The following MYBBP1A variants were observed in gnomAD, a reference collection of about 807,000 sequenced individuals.
MYBBP1A encodes the protein MYB binding protein 1a.
MYBBP1A carries 147 observed loss-of-function variants against 136.3 expected under a neutral mutation model. The ratio of observed to expected loss-of-function variants is 1.08; its 90% CI spans 0.94 to 1.24. The LOEUF (loss-of-function observed/expected upper bound fraction) is 1.24. Ranked by LOEUF, MYBBP1A falls within the 50% of genes most tolerant of loss-of-function variation. The probability of loss-of-function intolerance (pLI) is 0.00; values close to 1 mark genes in which losing one functional copy is unlikely to be tolerated. For synonymous variants in MYBBP1A, 947 were observed against 735.8 expected (o/e 1.29, Z -4.65); for missense variants, 2,060 against 1,727.4 (o/e 1.19, Z -3.41).
chr17:4,541,022 C>G (rs1489672488), intron 24 of MYBBP1A, among the ~76,000 whole-genome samples: 2 of 151,632 alleles, frequency 1.3e-5, no homozygotes, highest in Admixed American at 1.3e-4. Context: ...ATTCCCAAAC[C>G]CCGCCCTCTG....
chr17:4,549,972 T>C lies in MYBBP1A; in HGVS notation c.1319+86A>G, dbSNP rs539680947. ...CTCTCATGGTTTAGAGCCAGGACGC[T>C]GTGGAGGGCGGGCTTGGGTCGCGGG... On this transcript the variant is annotated intron_variant, in intron 9 of 25. Transcript: ENST00000254718. 19 of 1,432,094 alleles carry C rather than the reference T, an allele frequency of 1.3e-5. No homozygotes were observed. In the East Asian group the frequency reaches 4.1e-4, roughly 31 times the overall value. The allele number at this position is 1,432,094 out of a possible 1,614,324, so 88.7% of individuals were successfully genotyped here.
intron 22 of MYBBP1A, chr17:4,542,189 C>T (rs1276410569): frequency 3.4e-6 from 2 of 586,114 alleles, no homozygotes; most frequent in Non-Finnish European, 6.0e-6. Flanking sequence ...CAGACACTAC[C>T]AGGGGCATCC....
intron 8 of MYBBP1A, among the ~76,000 whole-genome samples, chr17:4,551,335 C>T (rs751630923): frequency 1.3e-5 from 2 of 152,220 alleles, no homozygotes; most frequent in Non-Finnish European, 2.9e-5. Context: ...TGGGCGGGGG[C>T]GGAGAGAGGT....
rs373302742 is a variant in MYBBP1A at position 4,544,545 on chromosome 17, G to A, written c.2583C>T (p.Arg861=). ...CCTGCTCCTGTTTGGAGCTGCTGCT[G>A]CGCAGGCTGCGCCGGATGATGCTCA... ...PLLSIIRRSL[R]SSSSKQEQDL... is the part of the protein sequence containing the mutation. The change falls in exon 19 of 26, where the codon CGC becomes CGT. Residue 861 remains arginine (R), a synonymous_variant. Coordinates refer to ENST00000254718, the MANE Select transcript of MYBBP1A (RefSeq NM_014520.4). The A allele has an allele frequency of 2.6e-6, 4 of 1,558,736 alleles. No homozygotes were observed. Among genetic ancestry groups the A allele is most frequent in the South Asian group, 2.4e-5 (2 of 84,630 alleles).
At position 4,542,692 on chromosome 17, in the gene MYBBP1A, G is replaced by A. The variant is rs1192048577; in HGVS notation, c.2942C>T (p.Ala981Val). ...LNLVTRVYST[A>V]LSSFLTKRNS... is the part of the protein sequence containing the mutation. ...GCGCTTGGTCAGGAAGGAGCTCAGT[G>A]CTGTCGAGTACACCCGGGTCACCAG... is the stretch of plus-strand genomic sequence containing the variant. The change falls in exon 21 of 26, where the codon GCA becomes GTA. Residue 981 changes from alanine (A) to valine (V), a missense_variant. Physicochemically the swap from Ala to Val is moderately conservative, Grantham distance 64. Coordinates refer to ENST00000254718, the MANE Select transcript of MYBBP1A (RefSeq NM_014520.4). 1.2e-6 allele frequency: 2 copies of A among 1,614,086 alleles called. No homozygotes were observed. The highest frequency in any genetic ancestry group is 1.7e-5 in the Admixed American group (1 of 60,024).
chr17:4,544,210 T>C (rs904280862), intron 19 of MYBBP1A, among the ~76,000 whole-genome samples: 1 of 138,924 alleles, frequency 7.2e-6, no homozygotes, highest in African/African-American at 3.2e-5. Flanking sequence ...TCCAGGGCAC[T>C]GTTGGCACAG....
intron 19 of MYBBP1A, 78 bp downstream of exon 19, chr17:4,544,411 C>G: frequency 6.6e-7 from 1 of 1,519,254 alleles, no homozygotes; most frequent in East Asian, 2.5e-5. Context: ...CCTGTGCAGA[C>G]AGCAAGCCTA....
In MYBBP1A at chr17:4,553,010, T is replaced by C. The variant is rs1041962459; in HGVS notation, c.562-384A>G. Among the ~76,000 whole-genome samples the C allele has an allele frequency of 1.3e-4, 20 of 152,206 alleles. No homozygotes were observed. The South Asian group carries it at 3.5e-3, about 27-fold the overall frequency. The stretch of plus-strand genomic sequence containing the variant: ...CTAATTTTTGTATTTTTAGTAGAGA[T>C]GGGGTTTCACCATGTTGGCCAGGCT... On this transcript the variant is annotated intron_variant, in intron 5 of 25. Coordinates refer to ENST00000254718, the MANE Select transcript of MYBBP1A (RefSeq NM_014520.4).
At chr17:4,546,395 G>C (rs1907017811) in intron 13 of MYBBP1A, among the ~76,000 whole-genome samples, 1 of 152,182 alleles carries the variant, frequency 6.6e-6, no homozygotes, top group South Asian at 2.1e-4. Context: ...AAAGTGCTGG[G>C]ATTGCAGGTG....
chr17:4,547,247 G>A (rs182458669), intron 13 of MYBBP1A, among the ~76,000 whole-genome samples: 129 of 152,256 alleles, frequency 8.5e-4, no homozygotes, highest in Non-Finnish European at 1.6e-3. Flanking sequence ...ACAGCAAACT[G>A]CAGCCTCCTC....
intron 1 of MYBBP1A, 70 bp from the exon 2 acceptor site, chr17:4,555,026 C>T: frequency 1.3e-6 from 2 of 1,595,390 alleles, no homozygotes; most frequent in South Asian, 1.1e-5. Flanking sequence ...ACCCTGGCAT[C>T]CAGGTTCGCG....
At chr17:4,544,221 C>T (rs903193796) in intron 19 of MYBBP1A, among the ~76,000 whole-genome samples, 2 of 138,270 alleles carry the variant, frequency 1.4e-5, no homozygotes, top group Admixed American at 1.4e-4. Flanking sequence ...GTTGGCACAG[C>T]CCCACTTGAG....
Position 4,545,911 on chromosome 17 carries a change from T to G in MYBBP1A, c.1856A>C (p.Asp619Ala), listed in dbSNP as rs150049826. 5.3e-5 allele frequency: 85 copies of G among 1,613,200 alleles called. No homozygotes were observed. The highest frequency in any genetic ancestry group is 6.9e-5 in the Non-Finnish European group (81 of 1,179,992). ...SPAESCDLLGDIQTCIRKSLG... is the reference protein window; with the variant it reads ...SPAESCDLLGAIQTCIRKSLG... ...ACTTTTCCTGATGCAGGTCTGGATG[T>G]CACCCAGCAGGTCACAGCTCTCTGC... is the stretch of plus-strand genomic sequence containing the variant. Residue 619 changes from aspartate to alanine, a missense_variant, in exon 14 of 26, where the codon GAC becomes GCC. Transcript: ENST00000254718.
At chr17:4,543,701 GC>G (rs987587524) in intron 19 of MYBBP1A, among the ~76,000 whole-genome samples, 8 of 151,932 alleles carry the variant, frequency 5.3e-5, no homozygotes, top group Non-Finnish European at 1.0e-4. Context: ...TCCACGCAGC[GC>G]CCCAGCTCCC....
chr17:4,552,488 C>A lies in MYBBP1A; in HGVS notation c.700G>T (p.Gly234Ter), dbSNP rs369773863. 6 of 1,613,610 alleles carry A rather than the reference C, an allele frequency of 3.7e-6. No homozygotes were observed. The African/African-American group carries it at 8.0e-5, about 22-fold the overall frequency. Residue 234 changes from glycine to a stop codon, truncating the protein, a stop_gained, in exon 6 of 26, where the codon GGA becomes TGA. Transcript: ENST00000254718. LOFTEE classifies it high-confidence loss of function. This position sits in a 1 kb window ranked among gnomAD's most constrained non-coding sequence, Gnocchi z 4.7. Reference sequence around the variant, plus strand: ...TCATCTGAGAATAGGTTCACGGATCCCACCAGCTTCTTGAGCTTGGAGGGC... The same window carrying A: ...TCATCTGAGAATAGGTTCACGGATCACACCAGCTTCTTGAGCTTGGAGGGC... ...KVPSKLKKLV[G>*]SVNLFSDENV...
In MYBBP1A at chr17:4,549,328, G is replaced by A. The variant is rs368834062; in HGVS notation, c.1430+4C>T. Reference sequence around the variant, plus strand: ...GGAAGCTGGGAATCCAGCACAGCTCGCACCTGGCCACCTGCTCAGTCAAGG... The same window carrying A: ...GGAAGCTGGGAATCCAGCACAGCTCACACCTGGCCACCTGCTCAGTCAAGG... On this transcript the variant is annotated splice_donor_region_variant and intron_variant, in intron 10 of 25. Coordinates refer to ENST00000254718, the MANE Select transcript of MYBBP1A (RefSeq NM_014520.4). The A allele has an allele frequency of 1.8e-5, 29 of 1,609,322 alleles. No homozygotes were observed. In the African/African-American group the frequency reaches 2.4e-4, roughly 13 times the overall value.
At position 4,554,190 on chromosome 17, in the gene MYBBP1A, C is replaced by G. The variant is rs1460351469; in HGVS notation, c.378+5G>C. ...GGCTGCTGACCTCCCTGGCCCCACT[C>G]TCACCTTCTTCACCTGATGCAGGTC... is the stretch of plus-strand genomic sequence containing the variant. On this transcript the variant is annotated splice_donor_5th_base_variant and intron_variant, in intron 3 of 25. Coordinates refer to ENST00000254718, the MANE Select transcript of MYBBP1A (RefSeq NM_014520.4). The G allele has an allele frequency of 6.2e-7, 1 of 1,614,028 alleles. No individual in the cohort carries two copies.
In MYBBP1A at chr17:4,545,748, G is replaced by A. The variant is rs1253317332; in HGVS notation, c.1935C>T (p.Pro645=). Residue 645 remains proline (P), a synonymous_variant, in exon 15 of 26, where the codon CCC becomes CCT. Transcript: ENST00000254718. ...SRTKTIDPQE[P]PWVEVLVEIL... is the part of the protein sequence containing the mutation. Reference sequence around the variant, plus strand: ...TCTCCACCAGCACCTCTACCCACGGGGGTTCCTGGGGGTCTGCAAGAGGGA... The same window carrying A: ...TCTCCACCAGCACCTCTACCCACGGAGGTTCCTGGGGGTCTGCAAGAGGGA... 2.5e-6 allele frequency: 4 copies of A among 1,605,680 alleles called. No homozygotes were observed. Among genetic ancestry groups the A allele is most frequent in the Non-Finnish European group, 3.4e-6 (4 of 1,174,882 alleles).
chr17:4,540,612 T>C, intron 24 of MYBBP1A, 128 bp from the exon 25 acceptor site: 1 of 1,164,350 alleles, frequency 8.6e-7, no homozygotes, highest in Non-Finnish European at 1.1e-6. Flanking sequence ...GGCCTCAGCC[T>C]CTCCTTCTGC....
Sources: gnomAD v4.1 joint callset for allele counts (sites outside exome capture counted in the v4.1 genomes callset) on GRCh38, gnomAD v4.1.1 for gene constraint, Gnocchi (gnomAD v3.1) non-coding constraint, MANE v1.5 for transcripts, NCBI Gene and HGNC (gene_info 2026-07-23, HGNC 2026-07-21) for gene names.